KIAA0825: variants seen among roughly 807,000 people sequenced by gnomAD.
KIAA0825 encodes uncharacterized protein KIAA0825.
KIAA0825 carries 119 observed loss-of-function variants against 147.6 expected under a neutral mutation model. That is an observed-to-expected ratio of 0.81 (90% CI 0.69 to 0.94). KIAA0825 has a LOEUF of 0.94. KIAA0825 is among the 40% of genes least tolerant of loss of function. KIAA0825 has a pLI of 0.00. For missense variants in KIAA0825, 1,381 were observed against 1,472.7 expected, an observed-to-expected ratio of 0.94 and a Z score of 1.02; for synonymous variants, 470 against 518.1, an observed-to-expected ratio of 0.91 and a Z score of 1.26.
chr5:94,499,724 A>G (rs1484629332), intron 5 of KIAA0825, among the ~76,000 whole-genome samples: 1 of 152,114 alleles, frequency 6.6e-6, no homozygotes, highest in Non-Finnish European at 1.5e-5. Context: ...ACTTCCAGAT[A>G]GTGATTTATT....
chr5:94,454,418 T>C (rs1758823547), intron 12 of KIAA0825, among the ~76,000 whole-genome samples: 1 of 152,252 alleles, frequency 6.6e-6, no homozygotes, highest in Admixed American at 6.5e-5. Context: ...GTTGTCTTGC[T>C]AAATAGAACA....
intron 20 of KIAA0825, among the ~76,000 whole-genome samples, chr5:94,297,435 C>T (rs193248473): frequency 9.9e-4 from 150 of 152,192 alleles, no homozygotes; most frequent in Middle Eastern, 3.4e-3. Flanking sequence ...AAAAAATACA[C>T]CAATATGATT....
At chr5:94,169,565 G>GAA (rs57781961) in intron 20 of KIAA0825, among the ~76,000 whole-genome samples, 43 of 86,650 alleles carry the variant, frequency 5.0e-4, no homozygotes, top group Admixed American at 8.1e-4. Flanking sequence ...CTGGGTGACA[G>GAA]AAAAAAAAAA....
chr5:94,507,717 G>T (rs1327339437), intron 5 of KIAA0825, among the ~76,000 whole-genome samples: 1 of 150,330 alleles, frequency 6.7e-6, no homozygotes, highest in Non-Finnish European at 1.5e-5. Flanking sequence ...AAAAGCCTAA[G>T]ATCTAATGCT....
At chr5:94,193,594 T>C (rs992951149) in intron 20 of KIAA0825, among the ~76,000 whole-genome samples, 3 of 152,188 alleles carry the variant, frequency 2.0e-5, no homozygotes, top group Non-Finnish European at 4.4e-5. Flanking sequence ...TAATAGCAAA[T>C]ACTTACATTG....
chr5:94,416,211 A>G (rs1425950493), intron 15 of KIAA0825: 1 of 152,192 alleles, frequency 6.6e-6, no homozygotes, highest in African/African-American at 2.4e-5. Flanking sequence ...GACTTTGGAA[A>G]TCATAACATA....
In KIAA0825 at chr5:94,150,881, T is replaced by A. The variant is rs553822922; in HGVS notation, c.*3126A>T. 1.4e-4 allele frequency among the ~76,000 whole-genome samples: 21 copies of A among 152,146 alleles called. No individual in the cohort carries two copies. The highest frequency in any genetic ancestry group is 1.3e-4 in the Admixed American group (2 of 15,282). On this transcript the variant is annotated 3_prime_UTR_variant, in exon 21 of 21. Transcript: ENST00000682413. ...TAGACAATATTCTTTATAATTTATT[T>A]AAAAATTATTTCATACTGTTTTCAC...
At chr5:94,338,564 T>G (rs768443514) in intron 20 of KIAA0825, among the ~76,000 whole-genome samples, 2 of 152,168 alleles carry the variant, frequency 1.3e-5, no homozygotes, top group Non-Finnish European at 2.9e-5. Context: ...CTGTACTTTT[T>G]CTATTATAAT....
chr5:94,462,615 C>T (rs2150955210), intron 11 of KIAA0825, 46 bp from the exon 12 acceptor site: 1 of 1,210,138 alleles, frequency 8.3e-7, no homozygotes, highest in Non-Finnish European at 1.1e-6. Flanking sequence ...AAAATAATGT[C>T]TCTGCTTGGT....
intron 20 of KIAA0825, among the ~76,000 whole-genome samples, chr5:94,325,306 C>T (rs1475565576): frequency 6.6e-6 from 1 of 151,808 alleles, no homozygotes; most frequent in Non-Finnish European, 1.5e-5. Flanking sequence ...CAGGAGTATG[C>T]CCTCCTTATG....
At position 94,464,909 on chromosome 5, in the gene KIAA0825, C is replaced by G; in HGVS notation, c.2023G>C (p.Ala675Pro). 6.4e-7 allele frequency: 1 copy of G among 1,551,562 alleles called. No homozygotes were observed. Among genetic ancestry groups the G allele is most frequent in the Non-Finnish European group, 8.7e-7 (1 of 1,146,934 alleles). Residue 675 changes from alanine to proline, a missense_variant, in exon 11 of 21, where the codon GCT (alanine) becomes CCT (proline). By Grantham distance (27) the Ala-to-Pro change is conservative. Coordinates refer to ENST00000682413, the MANE Select transcript of KIAA0825 (RefSeq NM_001145678.3). ...KSLSLLASRY[A>P]RAHPSRKRTP... ...CTTTTACGGCTGGGGTGGGCCCGAG[C>G]GTATCTGGAGGCCAGTAGACTCAAA...
chr5:94,434,358 T>C (rs982171482), intron 14 of KIAA0825, among the ~76,000 whole-genome samples: 1 of 152,254 alleles, frequency 6.6e-6, no homozygotes, highest in African/African-American at 2.4e-5. Flanking sequence ...CATTCACTTA[T>C]TTAATTTTGT....
chr5:94,186,065 C>G (rs1214711824), intron 20 of KIAA0825, among the ~76,000 whole-genome samples: 2 of 152,084 alleles, frequency 1.3e-5, no homozygotes, highest in Non-Finnish European at 2.9e-5. Context: ...TTAAAGTAAC[C>G]TTCCCAACAG....
intron 20 of KIAA0825, among the ~76,000 whole-genome samples, chr5:94,200,946 C>CATATATATATATATATATAT (rs34842887): frequency 7.7e-5 from 8 of 103,896 alleles, no homozygotes; most frequent in Non-Finnish European, 9.5e-5. Context: ...AGAATTTAAA[C>CATATATATATATATATATAT]ATATATATAT....
chr5:94,342,775 G>A (rs1462574284), intron 20 of KIAA0825, among the ~76,000 whole-genome samples: 1 of 151,650 alleles, frequency 6.6e-6, no homozygotes, highest in Non-Finnish European at 1.5e-5. Context: ...GTTAACCAAG[G>A]CAATAAAGTA....
chr5:94,364,453 C>G (rs1196840760), intron 20 of KIAA0825, among the ~76,000 whole-genome samples: 2 of 151,904 alleles, frequency 1.3e-5, no homozygotes, highest in Non-Finnish European at 2.9e-5. Context: ...ACGATCTCGG[C>G]TCACTGCAAG....
chr5:94,517,822 T>C (rs1767510515), intron 5 of KIAA0825, among the ~76,000 whole-genome samples: 1 of 151,986 alleles, frequency 6.6e-6, no homozygotes, highest in African/African-American at 2.4e-5. Context: ...GAAATGTTTT[T>C]AAATTTAAAA....
intron 1 of KIAA0825, among the ~76,000 whole-genome samples, chr5:94,598,925 A>C (rs1785801487): frequency 6.6e-6 from 1 of 152,176 alleles, no homozygotes; most frequent in African/African-American, 2.4e-5. Context: ...ATAGTGCTGC[A>C]ATAAACATGG....
At chr5:94,248,874 C>T (rs1775782097) in intron 20 of KIAA0825, among the ~76,000 whole-genome samples, 1 of 152,106 alleles carries the variant, frequency 6.6e-6, no homozygotes, top group African/African-American at 2.4e-5. Context: ...CCTGCAATTT[C>T]AGCCTGCTAT....
Sources: gnomAD v4.1 joint callset for allele counts (sites outside exome capture counted in the v4.1 genomes callset) on GRCh38, gnomAD v4.1.1 for gene constraint, MANE v1.5 for transcripts, NCBI Gene and HGNC (gene_info 2026-07-23, HGNC 2026-07-21) for gene names.